The following MYO5B variants were observed in gnomAD, a reference collection of about 807,000 sequenced individuals.
The protein encoded by MYO5B is myosin VB.
Under a neutral mutation model 229.3 loss-of-function variants are expected in MYO5B, and 143 were observed. That is an observed-to-expected ratio of 0.62 (90% CI 0.54 to 0.72). The LOEUF (loss-of-function observed/expected upper bound fraction) is 0.72. Ranked by LOEUF, MYO5B falls within the 30% of genes least tolerant of loss-of-function variation. The probability of loss-of-function intolerance (pLI) is 0.00; values close to 1 mark genes in which losing one functional copy is unlikely to be tolerated. For missense variants in MYO5B, 2,321 were observed against 2,331.0 expected, an observed-to-expected ratio of 1.00 and a Z score of 0.09; for synonymous variants, 918 against 885.2, an observed-to-expected ratio of 1.04 and a Z score of -0.66.
chr18:49,911,645 T>C (rs1449472104), intron 18 of MYO5B, among the ~76,000 whole-genome samples: 1 of 152,190 alleles, frequency 6.6e-6, no homozygotes. Context: ...GCAAGTCTGA[T>C]CAGGGCCCAG....
chr18:49,913,545 T>C (rs2024980296), intron 17 of MYO5B, among the ~76,000 whole-genome samples: 1 of 152,076 alleles, frequency 6.6e-6, no homozygotes, highest in East Asian at 1.9e-4. Flanking sequence ...ACTCTCATCT[T>C]CCGAGGCATG....
At position 49,913,355 on chromosome 18, in the gene MYO5B, T is replaced by C. The variant is rs145804869; in HGVS notation, c.2091-1182A>G. ...CATATGCTCATTCTCCTGAAACTGA[T>C]TTTTCTTTCAATTTTTGGGAGGTAT... On this transcript the variant is annotated intron_variant, in intron 17 of 39. Coordinates refer to ENST00000285039, the MANE Select transcript of MYO5B (RefSeq NM_001080467.3). 7.9e-4 allele frequency among the ~76,000 whole-genome samples: 121 copies of C among 152,320 alleles called. 3 individuals carry two copies. The East Asian group carries it at 0.022, about 28-fold the overall frequency.
chr18:49,896,248 C>T (rs906656563), intron 21 of MYO5B, among the ~76,000 whole-genome samples: 2 of 152,174 alleles, frequency 1.3e-5, no homozygotes, highest in Non-Finnish European at 2.9e-5. Context: ...CCATTTCCTG[C>T]ACCAACACAA....
At chr18:50,148,293 CA>C (rs1284245051) in intron 1 of MYO5B, among the ~76,000 whole-genome samples, 1 of 149,956 alleles carries the variant, frequency 6.7e-6, no homozygotes, top group African/African-American at 2.5e-5. Flanking sequence ...GAAACTATTC[CA>C]ATCAATAGAA....
At chr18:50,043,278 T>TTTA (rs1441149242) in intron 2 of MYO5B, among the ~76,000 whole-genome samples, 3 of 100,140 alleles carry the variant, frequency 3.0e-5, no homozygotes, top group African/African-American at 1.1e-4. Context: ...ATAAATATAT[T>TTTA]TATATTTATA....
At chr18:49,847,095 CG>C (rs1165947664) in intron 33 of MYO5B, 50 bp downstream of exon 33, 1 of 1,605,580 alleles carries the variant, frequency 6.2e-7, no homozygotes, top group Non-Finnish European at 8.5e-7. Context: ...GAGATGGGAG[CG>C]GGGGCTGAAG....
At chr18:49,944,462 C>A (rs2025349274) in intron 14 of MYO5B, among the ~76,000 whole-genome samples, 1 of 152,018 alleles carries the variant, frequency 6.6e-6, no homozygotes, top group Non-Finnish European at 1.5e-5. Context: ...ACCATGGAGA[C>A]CAGAAGAGCT....
chr18:50,146,483 T>G (rs955862411), intron 1 of MYO5B, among the ~76,000 whole-genome samples: 5 of 152,066 alleles, frequency 3.3e-5, no homozygotes, highest in African/African-American at 9.7e-5. Flanking sequence ...GCAACCCCAG[T>G]GAGGAAACCT....
At chr18:49,886,761 G>A (rs557848423) in intron 22 of MYO5B, among the ~76,000 whole-genome samples, 10 of 152,168 alleles carry the variant, frequency 6.6e-5, no homozygotes, top group Middle Eastern at 6.8e-3. Flanking sequence ...AAGAAGCACC[G>A]ACCGAGAGTG....
At chr18:50,028,669 T>C (rs1334609481) in intron 4 of MYO5B, among the ~76,000 whole-genome samples, 1 of 152,190 alleles carries the variant, frequency 6.6e-6, no homozygotes, top group Non-Finnish European at 1.5e-5. Flanking sequence ...GCTGTTAAAA[T>C]GTAACTCATT....
At position 50,025,340 on chromosome 18, in the gene MYO5B, T is replaced by C. The variant is rs573280658; in HGVS notation, c.455+11510A>G. Among the ~76,000 whole-genome samples the C allele has an allele frequency of 5.3e-5, 8 of 152,256 alleles. No homozygotes were observed. In the South Asian group the frequency reaches 1.7e-3, roughly 32 times the overall value. On this transcript the variant is annotated intron_variant, in intron 4 of 39. Transcript: ENST00000285039. ...TAACTCAAAGAACGCAGTTTCCACA[T>C]CCCGATGATTTCATCACCCTTCCTC...
At chr18:49,931,413 A>G (rs1023668756) in intron 16 of MYO5B, among the ~76,000 whole-genome samples, 43 of 151,410 alleles carry the variant, frequency 2.8e-4, no homozygotes, top group Non-Finnish European at 4.6e-4. Flanking sequence ...AATCTTCCCG[A>G]CTCCTCCAGC....
intron 14 of MYO5B, among the ~76,000 whole-genome samples, chr18:49,943,733 A>G (rs150330932): frequency 2.6e-5 from 4 of 152,356 alleles, no homozygotes; most frequent in Admixed American, 6.5e-5. Flanking sequence ...CTTCTATATC[A>G]TGGAGTTTAT....
intron 30 of MYO5B, among the ~76,000 whole-genome samples, chr18:49,856,356 G>C (rs2024262546): frequency 6.6e-6 from 1 of 152,180 alleles, no homozygotes; most frequent in Non-Finnish European, 1.5e-5. Flanking sequence ...CAGGCTCTGG[G>C]GGCACAGGTT....
chr18:50,129,131 G>A (rs544938070), intron 1 of MYO5B, among the ~76,000 whole-genome samples: 40 of 152,212 alleles, frequency 2.6e-4, no homozygotes, highest in Non-Finnish European at 5.7e-4. Flanking sequence ...ACGGTGGTGG[G>A]AGCATGGCCT....
intron 15 of MYO5B, 113 bp from the exon 16 acceptor site, chr18:49,936,462 A>T: frequency 2.4e-6 from 2 of 831,004 alleles, no homozygotes; most frequent in Non-Finnish European, 4.0e-6. Flanking sequence ...TTATTAATCC[A>T]GAAGGATGGA....
intron 21 of MYO5B, among the ~76,000 whole-genome samples, chr18:49,896,319 ACACAC>A (rs2024778692): frequency 1.3e-5 from 2 of 152,168 alleles, no homozygotes; most frequent in Admixed American, 1.3e-4. Flanking sequence ...TTACAACCTG[ACACAC>A]CTTCAAGCCT....
rs1459847623 is a variant in MYO5B, at chr18:49,825,044, T to C, written c.*1427A>G. ...TGAGTAAAAGAGGGTGAAGGCAGGCTGTTCTACTTCCAATTCATGGATAAA... is the reference window on the plus strand; with the variant it reads ...TGAGTAAAAGAGGGTGAAGGCAGGCCGTTCTACTTCCAATTCATGGATAAA... On this transcript the variant is annotated 3_prime_UTR_variant, in exon 40 of 40. Transcript: ENST00000285039. The C allele has an allele frequency of 6.6e-6, 1 of 152,254 alleles. No individual in the cohort carries two copies. The highest frequency in any genetic ancestry group is 1.5e-5 in the Non-Finnish European group (1 of 68,062). The allele number at this position is 152,254 out of a possible 1,614,324, so 9.4% of individuals were successfully genotyped here.
At chr18:50,187,399 G>A (rs2033162949) in intron 1 of MYO5B, among the ~76,000 whole-genome samples, 1 of 152,200 alleles carries the variant, frequency 6.6e-6, no homozygotes, top group Non-Finnish European at 1.5e-5. Context: ...GTGATGCAGT[G>A]AGAAAGGCAC....
Sources: allele counts gnomAD v4.1 joint callset (sites outside exome capture counted in the v4.1 genomes callset), GRCh38; gene constraint gnomAD v4.1.1; transcripts MANE v1.5; gene names NCBI Gene and HGNC (gene_info 2026-07-23, HGNC 2026-07-21).